RAD51B: variants seen among roughly 807,000 people sequenced by gnomAD.
The protein encoded by RAD51B is DNA repair protein RAD51 homolog 2.
A neutral mutation model predicts 42.2 loss-of-function variants in RAD51B; 38 were observed. The observed-to-expected ratio is 0.90, with a 90% CI of 0.70 to 1.18. The LOEUF (loss-of-function observed/expected upper bound fraction) is 1.18, where lower values mean the gene tolerates loss of function less well. Ranked by LOEUF, RAD51B falls within the 50% of genes most tolerant of loss-of-function variation. RAD51B has a pLI of 0.00. For synonymous variants in RAD51B, 154 were observed against 145.2 expected (o/e 1.06, Z -0.43); for missense variants, 373 against 400.7 (o/e 0.93, Z 0.59).
At chr14:68,596,984 G>T (rs548691218), downstream of RAD51B, among the ~76,000 whole-genome samples, 11 of 152,266 alleles carry the variant, frequency 7.2e-5, no homozygotes, top group East Asian at 1.9e-3. Context: ...GGCTTTTCTC[G>T]GCCAGCTTGT....
chr14:67,909,512 A>G (rs2043893745), intron 7 of RAD51B, among the ~76,000 whole-genome samples: 1 of 152,228 alleles, frequency 6.6e-6, no homozygotes, highest in African/African-American at 2.4e-5. Flanking sequence ...ATAAGAATAT[A>G]TCTTTGCGGT....
intron 9 of RAD51B, among the ~76,000 whole-genome samples, chr14:68,434,150 C>A (rs1479804657): frequency 6.6e-6 from 1 of 152,182 alleles, no homozygotes; most frequent in African/African-American, 2.4e-5. Flanking sequence ...TCAGTCTGCC[C>A]CTACTTGGGG....
intron 10 of RAD51B, among the ~76,000 whole-genome samples, chr14:68,617,516 C>G (rs775095803): frequency 1.3e-5 from 2 of 152,220 alleles, no homozygotes; most frequent in Non-Finnish European, 2.9e-5. Context: ...CAACAGGGCA[C>G]TTGTGCAGAT....
At chr14:68,041,911 T>C (rs1439060847) in intron 7 of RAD51B, among the ~76,000 whole-genome samples, 1 of 152,166 alleles carries the variant, frequency 6.6e-6, no homozygotes, top group East Asian at 1.9e-4. Flanking sequence ...TGCTCGTAAT[T>C]GTAAGTTTAA....
intron 11 of RAD51B, among the ~76,000 whole-genome samples, chr14:68,658,234 G>A (rs1337370600): frequency 6.6e-6 from 1 of 152,226 alleles, no homozygotes; most frequent in Non-Finnish European, 1.5e-5. Context: ...TGCTCTGTGG[G>A]AGCCTCTGAG....
intron 5 of RAD51B, 72 bp downstream of exon 5, chr14:67,865,211 A>T: frequency 1.5e-6 from 2 of 1,309,876 alleles, no homozygotes; most frequent in Non-Finnish European, 2.0e-6. Context: ...ATTTACACAT[A>T]GGTTAACATT....
chr14:68,175,660 T>C (rs1398913299), intron 7 of RAD51B, among the ~76,000 whole-genome samples: 1 of 152,196 alleles, frequency 6.6e-6, no homozygotes, highest in Non-Finnish European at 1.5e-5. Context: ...AGTTGAATTA[T>C]GGTGTCCGTT....
intron 7 of RAD51B, among the ~76,000 whole-genome samples, chr14:68,165,018 C>G (rs1182886203): frequency 6.6e-6 from 1 of 152,184 alleles, no homozygotes; most frequent in African/African-American, 2.4e-5. Flanking sequence ...CTTAGTAAAT[C>G]AGACAAAGTA....
intron 8 of RAD51B, among the ~76,000 whole-genome samples, chr14:68,362,536 G>A (rs1280042494): frequency 6.6e-6 from 1 of 152,122 alleles, no homozygotes; most frequent in Admixed American, 6.5e-5. Flanking sequence ...CTGAAAAAGA[G>A]TAAGCACCAG....
chr14:68,178,249 TC>T (rs2078997997), intron 7 of RAD51B, among the ~76,000 whole-genome samples: 1 of 152,208 alleles, frequency 6.6e-6, no homozygotes, highest in African/African-American at 2.4e-5. Context: ...ATTATTGTTT[TC>T]CAGTGACCCA....
chr14:68,260,297 C>CTGTG lies in RAD51B; in HGVS notation c.757-31587_757-31586insTGTG, dbSNP rs763590538. Reference sequence around the variant, plus strand: ...AAAGAGGGCCAGTGTGGCTGAGAGACCGTGTGTGTGTGTGTGTGTGTGGAG... The same window carrying CTGTG: ...AAAGAGGGCCAGTGTGGCTGAGAGACTGTGCGTGTGTGTGTGTGTGTGTGTGGAG... On this transcript the variant is annotated intron_variant, in intron 7 of 10. Coordinates refer to ENST00000471583, the MANE Select transcript of RAD51B (RefSeq NM_133510.4). 4.5e-3 allele frequency among the ~76,000 whole-genome samples: 81 copies of CTGTG among 18,156 alleles called. 2 individuals are homozygous for CTGTG. Among genetic ancestry groups the CTGTG allele is most frequent in the Non-Finnish European group, 6.5e-3 (70 of 10,772 alleles). The allele number at this position is 18,156 out of a possible 152,430, so 11.9% of individuals were successfully genotyped here.
chr14:67,825,444 C>T lies in RAD51B; in HGVS notation c.85-20C>T. 6.5e-7 allele frequency: 1 copy of T among 1,533,318 alleles called. No homozygotes were observed. The highest frequency in any genetic ancestry group is 1.1e-5 in the South Asian group (1 of 86,982). The allele number at this position is 1,533,318 out of a possible 1,614,324, so 95.0% of individuals were successfully genotyped here. A position where few individuals can be genotyped will look rare whatever the true frequency, so the allele number is the denominator to read the frequency against. On this transcript the variant is annotated intron_variant, in intron 2 of 10. Coordinates refer to ENST00000471583, the MANE Select transcript of RAD51B (RefSeq NM_133510.4). The stretch of plus-strand genomic sequence containing the variant: ...TTGTTACACATATATGTTTAAAATA[C>T]TCTCTTTATGTTTCTTTAGGACTTT...
rs1044892873 is a variant in RAD51B, at chr14:67,819,836, T to C, written c.-20T>C. 4 of 152,122 alleles carry C rather than the reference T, an allele frequency of 2.6e-5. No homozygotes were observed. The highest frequency in any genetic ancestry group is 2.6e-4 in the Admixed American group (4 of 15,272). The allele number at this position is 152,122 out of a possible 1,614,324, so 9.4% of individuals were successfully genotyped here. A position where few individuals can be genotyped will look rare whatever the true frequency, so the allele number is the denominator to read the frequency against. On this transcript the variant is annotated 5_prime_UTR_variant, in exon 1 of 11. Transcript: ENST00000471583. ...TGTAAAGGGTGGGGAAACTTGAAAG[T>C]TGGATGCTGCAGACCCGGTACTGGA...
At chr14:68,425,975 T>C (rs28408549) in intron 9 of RAD51B, among the ~76,000 whole-genome samples, 323 of 86,018 alleles carry the variant, frequency 3.8e-3, no homozygotes, top group African/African-American at 8.5e-3. Flanking sequence ...TTTCTTTCTT[T>C]CTTCCTTCCT....
intron 4 of RAD51B, among the ~76,000 whole-genome samples, chr14:67,855,976 C>T (rs1433089401): frequency 1.3e-5 from 2 of 152,200 alleles, no homozygotes; most frequent in Admixed American, 6.5e-5. Flanking sequence ...GACCATTGTT[C>T]CCAATTCTTC....
At chr14:68,213,857 A>G (rs2079760397) in intron 7 of RAD51B, among the ~76,000 whole-genome samples, 1 of 152,184 alleles carries the variant, frequency 6.6e-6, no homozygotes, top group East Asian at 1.9e-4. Context: ...GAATATGAAG[A>G]CAACCTTCAA....
At chr14:68,428,108 A>C (rs181701860) in intron 9 of RAD51B, among the ~76,000 whole-genome samples, 34 of 152,310 alleles carry the variant, frequency 2.2e-4, no homozygotes, top group South Asian at 4.1e-4. Context: ...ATGTCCTCTC[A>C]ATCTTGGACT....
rs71129889 is a variant in RAD51B at position 68,456,869 on chromosome 14, A to ATTTTTTTTTTTTTTTTTTTTTTTT, written c.958-11274_958-11251dup. 4.5e-5 allele frequency among the ~76,000 whole-genome samples: 3 copies of ATTTTTTTTTTTTTTTTTTTTTTTT among 66,364 alleles called. 1 individual carries two copies. Among genetic ancestry groups the ATTTTTTTTTTTTTTTTTTTTTTTT allele is most frequent in the Non-Finnish European group, 9.1e-5 (3 of 32,920 alleles). The allele number at this position is 66,364 out of a possible 152,430, so 43.5% of individuals were successfully genotyped here. The stretch of plus-strand genomic sequence containing the variant: ...AAACTTCTCCAATCACAATGGAATG[A>ATTTTTTTTTTTTTTTTTTTTTTTT]TTTTTTTTTTTTTTTTTTTTTTTTT... On this transcript the variant is annotated intron_variant, in intron 9 of 10. Transcript: ENST00000471583.
chr14:68,170,143 AGT>A (rs1047034090), intron 7 of RAD51B, among the ~76,000 whole-genome samples: 69 of 152,178 alleles, frequency 4.5e-4, no homozygotes, highest in African/African-American at 1.6e-3. Flanking sequence ...TTCACTCTCC[AGT>A]GTAGGAGGGA....
Sources: allele counts gnomAD v4.1 joint callset (sites outside exome capture counted in the v4.1 genomes callset), GRCh38; gene constraint gnomAD v4.1.1; transcripts MANE v1.5; gene names NCBI Gene and HGNC (gene_info 2026-07-23, HGNC 2026-07-21).